The following EFCAB12 variants were observed in gnomAD, a reference collection of about 807,000 sequenced individuals.
EFCAB12 encodes the protein EF-hand calcium-binding domain-containing protein 12.
A neutral mutation model predicts 53.6 loss-of-function variants in EFCAB12; 43 were observed. That is an observed-to-expected ratio of 0.80 (90% CI 0.63 to 1.03). The LOEUF (loss-of-function observed/expected upper bound fraction) is 1.03. Ranked by LOEUF, EFCAB12 falls within the 50% of genes least tolerant of loss-of-function variation. The pLI is 0.00. For synonymous variants in EFCAB12, 269 were observed against 289.2 expected (o/e 0.93, Z 0.71); for missense variants, 646 against 730.6 (o/e 0.88, Z 1.34).
chr3:129,409,065 C>G (rs2071995440), intron 5 of EFCAB12, among the ~76,000 whole-genome samples: 1 of 152,180 alleles, frequency 6.6e-6, no homozygotes, highest in Non-Finnish European at 1.5e-5. Context: ...GAAGTCACAG[C>G]CCTGTAGACG....
chr3:129,408,799 C>T lies in EFCAB12; in HGVS notation c.1095G>A (p.Arg365=). ...ACGGGAGGCAGTGCTCATCAAAGTG[C>T]CGATTCCCACAGCGCACCAGGTGAC... ...EQCHLVRCGN[R]HFDEHCLPST... The change falls in exon 6 of 9, where the codon CGG becomes CGA. Residue 365 remains arginine, a synonymous_variant. Coordinates refer to ENST00000505956, the MANE Select transcript of EFCAB12 (RefSeq NM_207307.3). The T allele has an allele frequency of 4.4e-6, 7 of 1,577,584 alleles. No individual in the cohort carries two copies. Among genetic ancestry groups the T allele is most frequent in the Non-Finnish European group, 5.2e-6 (6 of 1,161,490 alleles).
chr3:129,416,650 G>A (rs561474951), intron 3 of EFCAB12, among the ~76,000 whole-genome samples: 84 of 152,224 alleles, frequency 5.5e-4, no homozygotes, highest in East Asian at 2.3e-3. Flanking sequence ...ATTTGTTGTC[G>A]TTGTTTGGGT....
In EFCAB12 at chr3:129,410,236, C is replaced by T. The variant is rs1490829640; in HGVS notation, c.1035+922G>A. Among the ~76,000 whole-genome samples, 5 of 151,866 alleles carry T rather than the reference C, an allele frequency of 3.3e-5. No individual in the cohort carries two copies. The East Asian group carries it at 9.7e-4, about 29-fold the overall frequency. On this transcript the variant is annotated intron_variant, in intron 5 of 8. Transcript: ENST00000505956. ...TGTTGCCCAGGCTGGTCTCAAACTC[C>T]TGGCCTCAAGTGATCCTCCTACTTT...
chr3:129,406,353 G>T (rs546128156), intron 6 of EFCAB12, among the ~76,000 whole-genome samples: 1 of 152,304 alleles, frequency 6.6e-6, no homozygotes, highest in African/African-American at 2.4e-5. Flanking sequence ...CACTGAAGTT[G>T]CTTGCCTGTG....
rs1232657879 is a variant in EFCAB12 at position 129,408,791 on chromosome 3, T to C, written c.1103A>G (p.Asp368Gly). The change falls in exon 6 of 9, where the codon GAT (aspartate) becomes GGT (glycine). Residue 368 changes from aspartate to glycine, a missense_variant. Asp to Gly is a moderately conservative substitution (Grantham distance 94, BLOSUM62 -1). Transcript: ENST00000505956. The stretch of plus-strand genomic sequence containing the variant: ...GATGGTGGACGGGAGGCAGTGCTCA[T>C]CAAAGTGCCGATTCCCACAGCGCAC... Reference protein sequence around the residue: ...HLVRCGNRHFDEHCLPSTIHG... With the variant: ...HLVRCGNRHFGEHCLPSTIHG... 6.3e-7 allele frequency: 1 copy of C among 1,578,322 alleles called. No individual in the cohort carries two copies. Among genetic ancestry groups the C allele is most frequent in the Admixed American group, 1.8e-5 (1 of 54,938 alleles).
At chr3:129,424,342 G>C (rs2072224867) in intron 1 of EFCAB12, among the ~76,000 whole-genome samples, 1 of 152,326 alleles carries the variant, frequency 6.6e-6, no homozygotes, top group South Asian at 2.1e-4. Context: ...GGTCTAGTGG[G>C]AGGTGATTGG....
At chr3:129,426,393 C>G (rs530632655) in intron 1 of EFCAB12, among the ~76,000 whole-genome samples, 1 of 113,898 alleles carries the variant, frequency 8.8e-6, no homozygotes, top group South Asian at 3.1e-4. Context: ...GAGACGGACT[C>G]TTGCTCTGTT....
chr3:129,421,244 G>T, intron 2 of EFCAB12, 123 bp downstream of exon 2: 1 of 1,135,290 alleles, frequency 8.8e-7, no homozygotes. Context: ...TCCCTCTCAA[G>T]ACTTCTGTTT....
chr3:129,408,434 G>A (rs977156947), intron 6 of EFCAB12, among the ~76,000 whole-genome samples: 3 of 152,112 alleles, frequency 2.0e-5, no homozygotes, highest in Admixed American at 6.5e-5. Context: ...CCAGACCTCC[G>A]GGTCTTGTGT....
At chr3:129,411,087 C>A in intron 5 of EFCAB12, 71 bp downstream of exon 5, 1 of 1,498,180 alleles carries the variant, frequency 6.7e-7, no homozygotes, top group South Asian at 1.3e-5. Flanking sequence ...GCGGGTGGTG[C>A]TGCTGCGGTG....
chr3:129,411,091 T>C, intron 5 of EFCAB12, 67 bp downstream of exon 5: 1 of 1,510,428 alleles, frequency 6.6e-7, no homozygotes, highest in Non-Finnish European at 8.9e-7. Context: ...GTGGTGCTGC[T>C]GCGGTGATCT....
chr3:129,407,942 A>G (rs1235392873), intron 6 of EFCAB12, among the ~76,000 whole-genome samples: 1 of 152,160 alleles, frequency 6.6e-6, no homozygotes, highest in Non-Finnish European at 1.5e-5. Context: ...ACATTCACCA[A>G]TTCACAAGTT....
intron 6 of EFCAB12, among the ~76,000 whole-genome samples, chr3:129,405,180 G>C (rs2071932305): frequency 6.6e-6 from 1 of 152,188 alleles, no homozygotes; most frequent in South Asian, 2.1e-4. Flanking sequence ...ATCCTTGGGA[G>C]AGTTTTCTCA....
chr3:129,418,775 T>C (rs1038902019), intron 2 of EFCAB12, among the ~76,000 whole-genome samples: 13 of 152,274 alleles, frequency 8.5e-5, no homozygotes, highest in South Asian at 4.1e-4. Context: ...CCAAAACCTA[T>C]ACCCTTCCCT....
Position 129,421,723 on chromosome 3 carries a change from G to C in EFCAB12, c.130C>G (p.Gln44Glu), listed in dbSNP as rs2072191773. The change falls in exon 2 of 9, where the codon CAG becomes GAG. Residue 44 changes from glutamine (Q) to glutamate (E), a missense_variant. Physicochemically the swap from Gln to Glu is conservative, Grantham distance 29. Coordinates refer to ENST00000505956, the MANE Select transcript of EFCAB12 (RefSeq NM_207307.3). ...PEPVIAHCFK[Q>E]FQQKDFRLPQ... ...AGGCGGAAGTCCTTCTGCTGGAACT[G>C]CTTGAAGCAGTGGGCAATGACCGGT... 1 of 1,613,828 alleles carries C rather than the reference G, an allele frequency of 6.2e-7. No individual in the cohort carries two copies. Among genetic ancestry groups the C allele is most frequent in the African/African-American group, 1.3e-5 (1 of 75,042 alleles).
Position 129,418,297 on chromosome 3 carries a change from TTCTCACCCTG to T in EFCAB12, c.628_637del (p.Gln210ThrfsTer13). On this transcript the variant is annotated frameshift_variant, in exon 3 of 9. Transcript: ENST00000505956. LOFTEE classifies it high-confidence loss of function. Reference sequence around the variant, plus strand: ...GAACTCCTCCCTGGTGATTCTCTGGTTCTCACCCTGGCCCACCTTGTGAAATATCTCCAGG... The same window carrying T: ...GAACTCCTCCCTGGTGATTCTCTGGTGCCCACCTTGTGAAATATCTCCAGG... 6.2e-7 allele frequency: 1 copy of T among 1,613,274 alleles called. No homozygotes were observed.
At chr3:129,420,793 CAA>C (rs1192178635) in intron 2 of EFCAB12, among the ~76,000 whole-genome samples, 5 of 152,204 alleles carry the variant, frequency 3.3e-5, no homozygotes, top group Non-Finnish European at 5.9e-5. Flanking sequence ...TCACTTCTGA[CAA>C]AGAGAATGTG....
In EFCAB12 at chr3:129,415,246, C is replaced by G; in HGVS notation, c.837G>C (p.Glu279Asp). Residue 279 changes from glutamate (E) to aspartate (D), a missense_variant and splice_region_variant, in exon 4 of 9, where the codon GAG (glutamate) becomes GAC (aspartate). Physicochemically the swap from Glu to Asp is conservative, Grantham distance 45 (BLOSUM62 2). Coordinates refer to ENST00000505956, the MANE Select transcript of EFCAB12 (RefSeq NM_207307.3). The part of the protein sequence containing the change: ...QQRSSLATAR[E>D]HYILAKHRDS... The stretch of plus-strand genomic sequence containing the variant: ...CACAGGATGGGGAGGGGTACGCACG[C>G]TCCCTTGCAGTGGCCAGGCTGCTCC... 2.5e-6 allele frequency: 4 copies of G among 1,601,890 alleles called. No homozygotes were observed. The highest frequency in any genetic ancestry group is 3.4e-6 in the Non-Finnish European group (4 of 1,175,426).
At chr3:129,413,734 A>G (rs1256461326) in intron 4 of EFCAB12, 1 of 150,400 alleles carries the variant, frequency 6.6e-6, no homozygotes, top group African/African-American at 2.4e-5. Context: ...GTCTTTGACT[A>G]TTGAGCCACC....
Sources: allele counts gnomAD v4.1 joint callset (sites outside exome capture counted in the v4.1 genomes callset), GRCh38; gene constraint gnomAD v4.1.1; transcripts MANE v1.5; gene names NCBI Gene and HGNC (gene_info 2026-07-23, HGNC 2026-07-21).